Variants in SPTLC1 observed in about 807,000 individuals in gnomAD.
The protein encoded by SPTLC1 is serine palmitoyltransferase 1.
Under a neutral mutation model 68.9 loss-of-function variants are expected in SPTLC1, and 55 were observed. That is an observed-to-expected ratio of 0.80 (90% confidence interval 0.64 to 1.00). The LOEUF is 1.00. Ranked by LOEUF, SPTLC1 falls within the 50% of genes least tolerant of loss-of-function variation. SPTLC1 has a pLI of 0.00. For synonymous variants in SPTLC1, 197 were observed against 201.6 expected (o/e 0.98, Z 0.19); for missense variants, 449 against 573.1 (o/e 0.78, Z 2.21).
intron 6 of SPTLC1, among the ~76,000 whole-genome samples, chr9:92,067,668 G>A (rs1222753938): frequency 6.6e-6 from 1 of 152,198 alleles, no homozygotes. Flanking sequence ...ACAACGTGAG[G>A]TGGTGACCAC....
intron 12 of SPTLC1, among the ~76,000 whole-genome samples, chr9:92,044,365 A>G (rs137862279): frequency 3.9e-4 from 60 of 152,304 alleles, no homozygotes; most frequent in African/African-American, 1.4e-3. Context: ...GAGTCCAAAG[A>G]AGGAAAGAGT....
intron 3 of SPTLC1, among the ~76,000 whole-genome samples, chr9:92,094,205 A>G (rs558593888): frequency 6.6e-6 from 1 of 152,350 alleles, no homozygotes; most frequent in East Asian, 1.9e-4. Flanking sequence ...AACGAAAGAT[A>G]CCAAAGACAA....
At chr9:92,038,477 G>C in intron 12 of SPTLC1, 112 bp from the exon 13 acceptor site, 1 of 790,672 alleles carries the variant, frequency 1.3e-6, no homozygotes, top group African/African-American at 1.7e-5. Flanking sequence ...ACGTACAGAA[G>C]CTTGCGACTG....
At chr9:92,081,806 A>G (rs1261648397) in intron 3 of SPTLC1, among the ~76,000 whole-genome samples, 1 of 152,234 alleles carries the variant, frequency 6.6e-6, no homozygotes, top group Non-Finnish European at 1.5e-5. Flanking sequence ...GTACTGGTCC[A>G]TGTACTGGGT....
At chr9:92,036,559 C>T (rs898474880) in intron 13 of SPTLC1, among the ~76,000 whole-genome samples, 8 of 152,338 alleles carry the variant, frequency 5.3e-5, no homozygotes, top group African/African-American at 1.7e-4. Flanking sequence ...TCAGTGAGAA[C>T]GGCGGAGCCA....
Position 92,032,261 on chromosome 9 carries a change from T to G in SPTLC1, c.*204A>C. The G allele has an allele frequency of 3.9e-6, 6 of 1,526,906 alleles. No homozygotes were observed. The highest frequency in any genetic ancestry group is 5.3e-6 in the Non-Finnish European group (6 of 1,142,488). The allele number at this position is 1,526,906 out of a possible 1,614,324, so 94.6% of individuals were successfully genotyped here. On this transcript the variant is annotated 3_prime_UTR_variant, in exon 15 of 15. Transcript: ENST00000262554. ...TTTTCCTCTTAAAAAAATCAGTTCC[T>G]GGGCTTTTAGATGTGTTTTCTTTTT... is the stretch of plus-strand genomic sequence containing the variant.
chr9:92,059,421 G>T, intron 6 of SPTLC1, 113 bp from the exon 7 acceptor site: 1 of 1,081,718 alleles, frequency 9.2e-7, no homozygotes, highest in Non-Finnish European at 1.4e-6. Flanking sequence ...CATGAGCATA[G>T]CAAATAAATA....
At chr9:92,043,363 AC>A (rs1272715219) in intron 12 of SPTLC1, among the ~76,000 whole-genome samples, 1 of 151,906 alleles carries the variant, frequency 6.6e-6, no homozygotes, top group Non-Finnish European at 1.5e-5. Flanking sequence ...TAATATCCAT[AC>A]CCCAAGACTC....
chr9:92,071,861 T>C (rs546653519), intron 5 of SPTLC1, among the ~76,000 whole-genome samples: 9 of 152,298 alleles, frequency 5.9e-5, no homozygotes, highest in African/African-American at 2.2e-4. Context: ...GGCTCTACCC[T>C]AACTGATCAA....
intron 6 of SPTLC1, among the ~76,000 whole-genome samples, chr9:92,060,629 G>A (rs533226260): frequency 1.6e-4 from 25 of 152,172 alleles, no homozygotes; most frequent in Middle Eastern, 3.4e-3. Flanking sequence ...ACTGACAGCC[G>A]GGCGCAGTGG....
intron 3 of SPTLC1, among the ~76,000 whole-genome samples, chr9:92,084,293 T>C (rs1446881243): frequency 1.3e-5 from 2 of 151,040 alleles, no homozygotes; most frequent in African/African-American, 4.9e-5. Context: ...ATAGGAGTGG[T>C]GAGAGAGGGC....
At position 92,038,235 on chromosome 9, in the gene SPTLC1, A is replaced by T. The variant is rs1452052855; in HGVS notation, c.1254+13T>A. On this transcript the variant is annotated intron_variant, in intron 13 of 14. Transcript: ENST00000262554. Reference sequence around the variant, plus strand: ...GTGGTGTGGGGGGATGCCTCAAGTCAACGGATACTTACTTGATCTACAATT... The same window carrying T: ...GTGGTGTGGGGGGATGCCTCAAGTCTACGGATACTTACTTGATCTACAATT... The T allele has an allele frequency of 6.3e-7, 1 of 1,580,122 alleles. No homozygotes were observed. Among genetic ancestry groups the T allele is most frequent in the Non-Finnish European group, 8.7e-7 (1 of 1,149,820 alleles).
chr9:92,087,835 C>T (rs950950516), intron 3 of SPTLC1, among the ~76,000 whole-genome samples: 4 of 152,362 alleles, frequency 2.6e-5, no homozygotes, highest in African/African-American at 7.2e-5. Flanking sequence ...TTTGTCTGTG[C>T]CCTGCCCCCA....
At chr9:92,063,884 A>T (rs1361409849) in intron 6 of SPTLC1, among the ~76,000 whole-genome samples, 1 of 152,190 alleles carries the variant, frequency 6.6e-6, no homozygotes, top group Non-Finnish European at 1.5e-5. Context: ...CATCTGTAAG[A>T]AATCTGCACG....
At chr9:92,098,127 C>A (rs1479051746) in intron 3 of SPTLC1, among the ~76,000 whole-genome samples, 1 of 152,174 alleles carries the variant, frequency 6.6e-6, no homozygotes, top group Non-Finnish European at 1.5e-5. Context: ...ATCTCGGCAG[C>A]CATCTTGGCT....
At chr9:92,047,098 C>T (rs2118447065) in intron 11 of SPTLC1, 74 bp downstream of exon 11, 1 of 1,262,776 alleles carries the variant, frequency 7.9e-7, no homozygotes, top group East Asian at 2.3e-5. Context: ...ATAATTTCTC[C>T]AGTAAGTAAA....
chr9:92,100,116 A>AC (rs1430847620), intron 3 of SPTLC1, among the ~76,000 whole-genome samples: 4 of 149,348 alleles, frequency 2.7e-5, no homozygotes, highest in Admixed American at 6.7e-5. Flanking sequence ...TTTCTTAACA[A>AC]AAAAAAAAAA....
At chr9:92,084,330 G>A (rs1835022946) in intron 3 of SPTLC1, among the ~76,000 whole-genome samples, 1 of 151,786 alleles carries the variant, frequency 6.6e-6, no homozygotes, top group Non-Finnish European at 1.5e-5. Context: ...AGTTTTCAAA[G>A]GGAATGCTTC....
At chr9:92,095,975 C>T (rs1835515134) in intron 3 of SPTLC1, among the ~76,000 whole-genome samples, 1 of 152,204 alleles carries the variant, frequency 6.6e-6, no homozygotes, top group South Asian at 2.1e-4. Flanking sequence ...TGAAGAAGTG[C>T]TCTCTGGAGA....
Sources: allele counts gnomAD v4.1 joint callset (sites outside exome capture counted in the v4.1 genomes callset), GRCh38; gene constraint gnomAD v4.1.1; transcripts MANE v1.5; gene names NCBI Gene and HGNC (gene_info 2026-07-23, HGNC 2026-07-21).